The following APP variants were observed in gnomAD, a reference collection of about 807,000 sequenced individuals.
The protein encoded by APP is amyloid beta precursor protein.
A neutral mutation model predicts 101.4 loss-of-function variants in APP; 31 were observed. The observed-to-expected ratio is 0.31, with a 90% CI of 0.23 to 0.41. The LOEUF (loss-of-function observed/expected upper bound fraction) is 0.41. Among genes scored for constraint, APP ranks in the 10% least tolerant of loss-of-function variants. The pLI is 1.00. For missense variants in APP, 839 were observed against 1,003.7 expected (o/e 0.84, Z 2.22); for synonymous variants, 366 against 364.4 (o/e 1.00, Z -0.05).
intron 15 of APP, among the ~76,000 whole-genome samples, chr21:25,899,427 G>T (rs1601330283): frequency 6.6e-6 from 1 of 152,200 alleles, no homozygotes. Flanking sequence ...AGAAGTGATG[G>T]TGTATGACTT....
chr21:26,012,264 G>C (rs2043841746), intron 6 of APP, among the ~76,000 whole-genome samples: 1 of 151,944 alleles, frequency 6.6e-6, no homozygotes, highest in Non-Finnish European at 1.5e-5. Flanking sequence ...TTCCCAAAGT[G>C]CTGGGATAAC....
At chr21:25,888,706 T>C (rs1414743762) in intron 17 of APP, among the ~76,000 whole-genome samples, 1 of 152,182 alleles carries the variant, frequency 6.6e-6, no homozygotes, top group Non-Finnish European at 1.5e-5. Context: ...TGTCAGAATC[T>C]GGGTCAAAGT....
At chr21:26,164,717 A>G (rs2063569241) in intron 1 of APP, among the ~76,000 whole-genome samples, 1 of 151,998 alleles carries the variant, frequency 6.6e-6, no homozygotes, top group Admixed American at 6.6e-5. Flanking sequence ...TTAGCTGGGC[A>G]TGGTGGCGAG....
chr21:26,033,285 C>T (rs1326561088), intron 5 of APP, among the ~76,000 whole-genome samples: 1 of 152,162 alleles, frequency 6.6e-6, no homozygotes, highest in Non-Finnish European at 1.5e-5. Context: ...GGAGATCTGA[C>T]AGTTTTATAA....
chr21:25,979,512 T>C (rs2042345377), intron 9 of APP, among the ~76,000 whole-genome samples: 1 of 152,130 alleles, frequency 6.6e-6, no homozygotes, highest in African/African-American at 2.4e-5. Flanking sequence ...TGAAGATACA[T>C]ATTGATTTCA....
intron 3 of APP, among the ~76,000 whole-genome samples, chr21:26,086,191 CAT>C (rs1418941605): frequency 1.1e-4 from 17 of 152,170 alleles, no homozygotes; most frequent in African/African-American, 3.4e-4. Flanking sequence ...TTGAATCACA[CAT>C]GAGATAATTA....
chr21:25,901,437 T>C (rs1243370125), intron 15 of APP, among the ~76,000 whole-genome samples: 1 of 151,538 alleles, frequency 6.6e-6, no homozygotes, highest in African/African-American at 2.4e-5. Context: ...GCATGACAGA[T>C]AAATTCATGT....
chr21:25,997,090 T>C (rs8132219), intron 8 of APP: 57 of 502,874 alleles, frequency 1.1e-4, no homozygotes, highest in African/African-American at 7.9e-4. Flanking sequence ...AATGATGTTG[T>C]CCATATAATA....
Position 26,170,710 on chromosome 21 carries a change from C to A in APP, c.-90G>T. 7.5e-7 allele frequency: 1 copy of A among 1,329,626 alleles called. No homozygotes were observed. Among genetic ancestry groups the A allele is most frequent in the South Asian group, 1.6e-5 (1 of 63,884 alleles). The allele number at this position is 1,329,626 out of a possible 1,614,324, so 82.4% of individuals were successfully genotyped here. A position where few individuals can be genotyped will look rare whatever the true frequency, so the allele number is the denominator to read the frequency against. The stretch of plus-strand genomic sequence containing the variant: ...GCCCGCGCCGCCACCGCCGCCGTCT[C>A]CCGGGGCCCCCGCGCACGCTCCTCC... On this transcript the variant is annotated 5_prime_UTR_variant, in exon 1 of 18. Transcript: ENST00000346798.
chr21:26,012,962 T>C (rs1364767198), intron 6 of APP, among the ~76,000 whole-genome samples: 2 of 147,336 alleles, frequency 1.4e-5, no homozygotes, highest in Non-Finnish European at 1.5e-5. Flanking sequence ...CCTGGGTGAC[T>C]GAGACTCCAT....
chr21:25,898,694 C>T (rs2038241296), intron 15 of APP, among the ~76,000 whole-genome samples: 1 of 152,160 alleles, frequency 6.6e-6, no homozygotes, highest in Non-Finnish European at 1.5e-5. Context: ...TCCTTTGAGC[C>T]TGATTCAACA....
rs536262123 is a variant in APP at position 25,997,157 on chromosome 21, TCAATGATGTTCTTAGCC to T, written c.1090+186_1090+202del. 280 of 602,092 alleles carry T rather than the reference TCAATGATGTTCTTAGCC, an allele frequency of 4.7e-4. No homozygotes were observed. The African/African-American group carries it at 5.0e-3, about 11-fold the overall frequency. The allele number at this position is 602,092 out of a possible 1,614,324, so 37.3% of individuals were successfully genotyped here. A position where few individuals can be genotyped will look rare whatever the true frequency, so the allele number is the denominator to read the frequency against. On this transcript the variant is annotated intron_variant, in intron 8 of 17. Transcript: ENST00000346798. ...TTGGTCAGAAATAGAAGAAACTTAG[TCAATGATGTTCTTAGCC>T]CAACATCTCAAGCTGTCTGGCAAAA... is the stretch of plus-strand genomic sequence containing the variant.
intron 14 of APP, among the ~76,000 whole-genome samples, chr21:25,905,373 C>T (rs1406160271): frequency 6.6e-6 from 1 of 152,144 alleles, no homozygotes; most frequent in Non-Finnish European, 1.5e-5. Flanking sequence ...GGGTGGATTT[C>T]CCTCTGAGCT....
chr21:25,958,478 C>T (rs1356442244), intron 11 of APP, among the ~76,000 whole-genome samples: 3 of 152,236 alleles, frequency 2.0e-5, no homozygotes, highest in East Asian at 1.9e-4. Context: ...GGGGTTTCGC[C>T]ATGTTAGCCA....
intron 3 of APP, among the ~76,000 whole-genome samples, chr21:26,083,902 G>C (rs1339337230): frequency 1.3e-5 from 2 of 152,064 alleles, no homozygotes; most frequent in South Asian, 2.1e-4. Context: ...AAGATGTAAT[G>C]AAGTATAAAT....
chr21:26,071,881 C>T (rs771705141), intron 3 of APP, among the ~76,000 whole-genome samples: 3 of 152,184 alleles, frequency 2.0e-5, no homozygotes, highest in Admixed American at 1.3e-4. Context: ...CTCAAGGTCA[C>T]CCACGAGGAA....
At chr21:26,012,136 T>C (rs2146731952) in intron 6 of APP, among the ~76,000 whole-genome samples, 1 of 151,694 alleles carries the variant, frequency 6.6e-6, no homozygotes, top group Non-Finnish European at 1.5e-5. Context: ...GCCTCCTGAG[T>C]AGCTGGGACT....
chr21:25,889,095 G>A (rs2037526202), intron 17 of APP, among the ~76,000 whole-genome samples: 1 of 152,200 alleles, frequency 6.6e-6, no homozygotes, highest in South Asian at 2.1e-4. Context: ...ACTGGGGTCT[G>A]TTACGGGCTA....
chr21:25,888,577 C>G (rs988791816), intron 17 of APP, among the ~76,000 whole-genome samples: 2 of 152,058 alleles, frequency 1.3e-5, no homozygotes, highest in African/African-American at 4.8e-5. Flanking sequence ...AGGTGGAGCC[C>G]CTCATCTAGA....
Sources: allele counts gnomAD v4.1 joint callset (sites outside exome capture counted in the v4.1 genomes callset), GRCh38; gene constraint gnomAD v4.1.1; transcripts MANE v1.5; gene names NCBI Gene and HGNC (gene_info 2026-07-23, HGNC 2026-07-21).